ZNF827: variants seen among roughly 807,000 people sequenced by gnomAD.
ZNF827 encodes the protein zinc finger protein 827.
Under a neutral mutation model 102.4 loss-of-function variants are expected in ZNF827, and 13 were observed. The ratio of observed to expected loss-of-function variants is 0.13; its 90% CI spans 0.08 to 0.20. The LOEUF (loss-of-function observed/expected upper bound fraction) is 0.20. Ranked by LOEUF, ZNF827 falls within the 10% of genes least tolerant of loss-of-function variation. The pLI is 1.00. For synonymous variants in ZNF827, 523 were observed against 536.2 expected (o/e 0.98, Z 0.34); for missense variants, 1,103 against 1,344.4 (o/e 0.82, Z 2.81).
intron 7 of ZNF827, among the ~76,000 whole-genome samples, chr4:145,844,923 T>C (rs1745787402): frequency 6.6e-6 from 1 of 152,156 alleles, no homozygotes; most frequent in South Asian, 2.1e-4. Context: ...GTACCTTTTG[T>C]TGCAAGAATT....
At chr4:145,925,256 G>A (rs1371309084) in intron 1 of ZNF827, among the ~76,000 whole-genome samples, 1 of 152,268 alleles carries the variant, frequency 6.6e-6, no homozygotes, top group South Asian at 2.1e-4. Flanking sequence ...GATTTGGGTG[G>A]GGACACAGGA....
At chr4:145,919,339 C>T (rs576668364) in intron 1 of ZNF827, among the ~76,000 whole-genome samples, 3 of 152,308 alleles carry the variant, frequency 2.0e-5, no homozygotes, top group Non-Finnish European at 2.9e-5. Flanking sequence ...AGGGACCACC[C>T]GTACTTGTTC....
At chr4:145,927,636 C>T (rs1753525445) in intron 1 of ZNF827, among the ~76,000 whole-genome samples, 1 of 152,148 alleles carries the variant, frequency 6.6e-6, no homozygotes, top group Non-Finnish European at 1.5e-5. Flanking sequence ...AAACCATCTC[C>T]TTCAGGCTGT....
At chr4:145,795,352 TGACCAGGCTG>T (rs1740268324) in intron 8 of ZNF827, among the ~76,000 whole-genome samples, 2 of 152,182 alleles carry the variant, frequency 1.3e-5, no homozygotes, top group Non-Finnish European at 2.9e-5. Flanking sequence ...TTCACCATGT[TGACCAGGCTG>T]GTCTCGAACT....
intron 1 of ZNF827, among the ~76,000 whole-genome samples, chr4:145,918,343 A>C (rs1236704918): frequency 4.7e-5 from 7 of 148,824 alleles, no homozygotes; most frequent in Non-Finnish European, 6.0e-5. Context: ...AAAAAAAAAA[A>C]AAAAAAAAAA....
intron 8 of ZNF827, among the ~76,000 whole-genome samples, chr4:145,782,062 T>C (rs1579161563): frequency 1.3e-5 from 2 of 152,368 alleles, no homozygotes; most frequent in East Asian, 3.9e-4. Context: ...GGAGTCGCAG[T>C]GAGGCAGGCA....
chr4:145,825,699 A>G lies in ZNF827; in HGVS notation c.2280-2174T>C, dbSNP rs148712188. 5.3e-5 allele frequency among the ~76,000 whole-genome samples: 8 copies of G among 152,310 alleles called. No homozygotes were observed. In the East Asian group the frequency reaches 1.5e-3, roughly 29 times the overall value. ...TCTTGCTAAGTAGTGGCAATGGGCT[A>G]GCACTGCGTCTTCACATGCTGTCTT... is the stretch of plus-strand genomic sequence containing the variant. On this transcript the variant is annotated intron_variant, in intron 7 of 14. Coordinates refer to ENST00000508784, the MANE Select transcript of ZNF827 (RefSeq NM_001306215.2).
intron 8 of ZNF827, among the ~76,000 whole-genome samples, chr4:145,815,469 G>GTCT (rs1350785374): frequency 7.9e-5 from 12 of 152,198 alleles, no homozygotes; most frequent in Admixed American, 3.3e-4. Flanking sequence ...ATGTGGGAGT[G>GTCT]TCTTCTTTAC....
At position 145,762,624 on chromosome 4, in the gene ZNF827, C is replaced by T. The variant is rs756398455; in HGVS notation, c.*17+466G>A. On this transcript the variant is annotated intron_variant, in intron 14 of 14. Transcript: ENST00000508784. This position sits in a 1 kb window ranked among gnomAD's most constrained non-coding sequence, Gnocchi z 4.9. ...CACCTTGTCAGGCTGGAGCTGGACA[C>T]CCTAGCCTGGGCCTCTCTGTGGCTC... 3.9e-5 allele frequency among the ~76,000 whole-genome samples: 6 copies of T among 152,102 alleles called. No individual in the cohort carries two copies. Among genetic ancestry groups the T allele is most frequent in the Non-Finnish European group, 7.4e-5 (5 of 68,022 alleles).
chr4:145,779,618 T>A lies in ZNF827; in HGVS notation c.2384-107A>T, dbSNP rs548192633. 4.8e-6 allele frequency: 7 copies of A among 1,451,320 alleles called. No individual in the cohort carries two copies. In the African/African-American group the frequency reaches 8.5e-5, roughly 18 times the overall value. The allele number at this position is 1,451,320 out of a possible 1,614,324, so 89.9% of individuals were successfully genotyped here. A position where few individuals can be genotyped will look rare whatever the true frequency, so the allele number is the denominator to read the frequency against. ...GAGCCTTCTCTCTGAAGAATGTGGCTAGTAATTGCAAATGAGTCTCCGTAA... is the reference window on the plus strand; with the variant it reads ...GAGCCTTCTCTCTGAAGAATGTGGCAAGTAATTGCAAATGAGTCTCCGTAA... On this transcript the variant is annotated intron_variant, in intron 8 of 14. Transcript: ENST00000508784.
intron 8 of ZNF827, among the ~76,000 whole-genome samples, chr4:145,797,712 G>A (rs942102994): frequency 2.2e-4 from 34 of 152,160 alleles, no homozygotes; most frequent in African/African-American, 8.0e-4. Context: ...GTTTCGTCAA[G>A]TCGTTGAATA....
Position 145,791,371 on chromosome 4 carries a change from T to C in ZNF827, c.2384-11860A>G, listed in dbSNP as rs1293139793. Among the ~76,000 whole-genome samples, 5 of 152,326 alleles carry C rather than the reference T, an allele frequency of 3.3e-5. No individual in the cohort carries two copies. In the South Asian group the frequency reaches 1.0e-3, roughly 32 times the overall value. ...AGCACTTCCCAAAGGCTCCATCTTC[T>C]ACATAGCATCACTTTAGGGGTGAGG... On this transcript the variant is annotated intron_variant, in intron 8 of 14. Coordinates refer to ENST00000508784, the MANE Select transcript of ZNF827 (RefSeq NM_001306215.2).
At chr4:145,768,916 T>TATATA (rs34051922) in intron 11 of ZNF827, among the ~76,000 whole-genome samples, 1 of 34,410 alleles carries the variant, frequency 2.9e-5, no homozygotes, top group Non-Finnish European at 5.2e-5. Context: ...TATATATATA[T>TATATA]TAGGTATACA....
In ZNF827 at chr4:145,759,142, A is replaced by G. The variant is rs1734191505; in HGVS notation, c.*2474T>C. ...TGTACACCAGTTCTCCAATAGATAA[A>G]TAATATATAAACTTTTATATTCCAA... On this transcript the variant is annotated 3_prime_UTR_variant, in exon 15 of 15. Transcript: ENST00000508784. 6.6e-6 allele frequency: 1 copy of G among 152,220 alleles called. No homozygotes were observed. Among genetic ancestry groups the G allele is most frequent in the African/African-American group, 2.4e-5 (1 of 41,456 alleles). The allele number at this position is 152,220 out of a possible 1,614,324, so 9.4% of individuals were successfully genotyped here. A position where few individuals can be genotyped will look rare whatever the true frequency, so the allele number is the denominator to read the frequency against.
chr4:145,798,168 A>C (rs1407892835), intron 8 of ZNF827, among the ~76,000 whole-genome samples: 1 of 152,188 alleles, frequency 6.6e-6, no homozygotes, highest in East Asian at 1.9e-4. Flanking sequence ...TAACCTATAG[A>C]AAAGACAGCC....
rs150798873 is a variant in ZNF827 at position 145,759,980 on chromosome 4, C to G, written c.*1636G>C. The stretch of plus-strand genomic sequence containing the variant: ...ATTTGTCTACGTGTGGGCACACACA[C>G]AAAACACACTTAAGTTCTGTGATGT... On this transcript the variant is annotated 3_prime_UTR_variant, in exon 15 of 15. Transcript: ENST00000508784. The G allele has an allele frequency of 2.6e-4, 39 of 151,704 alleles. No individual in the cohort carries two copies. The East Asian group carries it at 7.1e-3, about 28-fold the overall frequency. The allele number at this position is 151,704 out of a possible 1,614,324, so 9.4% of individuals were successfully genotyped here. A position where few individuals can be genotyped will look rare whatever the true frequency, so the allele number is the denominator to read the frequency against.
intron 3 of ZNF827, among the ~76,000 whole-genome samples, chr4:145,888,540 T>A (rs956182948): frequency 6.6e-6 from 1 of 152,140 alleles, no homozygotes; most frequent in Non-Finnish European, 1.5e-5. Flanking sequence ...GATGCTTGGG[T>A]TGTGGTATTT....
At chr4:145,849,677 A>C in intron 5 of ZNF827, 116 bp from the exon 6 acceptor site, 1 of 1,478,686 alleles carries the variant, frequency 6.8e-7, no homozygotes, top group Non-Finnish European at 9.2e-7. Context: ...GAGAAAAATG[A>C]GCGTGCACGG....
chr4:145,801,229 C>A (rs1740869243), intron 8 of ZNF827, among the ~76,000 whole-genome samples: 1 of 152,016 alleles, frequency 6.6e-6, no homozygotes, highest in South Asian at 2.1e-4. Context: ...GGAATTTGAC[C>A]CTTTCAGAAT....
Sources: gnomAD v4.1 joint callset for allele counts (sites outside exome capture counted in the v4.1 genomes callset) on GRCh38, gnomAD v4.1.1 for gene constraint, Gnocchi (gnomAD v3.1) non-coding constraint, MANE v1.5 for transcripts, NCBI Gene and HGNC (gene_info 2026-07-23, HGNC 2026-07-21) for gene names.